LYSMD2: variants seen among roughly 807,000 people sequenced by gnomAD.
LYSMD2 encodes the protein LysM domain containing 2.
In LYSMD2, 6 loss-of-function variants were observed where a neutral mutation model predicts 17.7. The ratio of observed to expected loss-of-function variants is 0.34; its 90% CI spans 0.19 to 0.67. The LOEUF (loss-of-function observed/expected upper bound fraction) is 0.67, where lower values mean the gene tolerates loss of function less well. Ranked by LOEUF, LYSMD2 falls within the 30% of genes least tolerant of loss-of-function variation. The pLI is 0.69. For missense variants in LYSMD2, 237 were observed against 286.7 expected, an observed-to-expected ratio of 0.83 and a Z score of 1.25; for synonymous variants, 102 against 129.8, an observed-to-expected ratio of 0.79 and a Z score of 1.45.
Position 51,723,606 on chromosome 15 carries a change from CCTAA to C in LYSMD2, c.645_648del (p.Ser215ArgfsTer2). ...TGGTTAGAGTTATGCCCCCAAATCA[CCTAA>C]CTGTGATAGAGGGAAGTTGCATAGG... On this transcript the variant is annotated frameshift_variant and stop_lost, in exon 3 of 3. Transcript: ENST00000267838. LOFTEE classifies it high-confidence loss of function. The C allele has an allele frequency of 6.2e-7, 1 of 1,606,634 alleles. No individual in the cohort carries two copies. The highest frequency in any genetic ancestry group is 8.5e-7 in the Non-Finnish European group (1 of 1,174,816).
chr15:51,723,673 A>G (rs765370580), intron 2 of LYSMD2, 24 bp from the exon 3 acceptor site: 1 of 1,571,296 alleles, frequency 6.4e-7, no homozygotes, highest in Non-Finnish European at 8.7e-7. Flanking sequence ...AATACAGCAT[A>G]AATCAGAGTT....
At chr15:51,749,183 G>C (rs948973806) in intron 1 of LYSMD2, among the ~76,000 whole-genome samples, 5 of 152,198 alleles carry the variant, frequency 3.3e-5, no homozygotes, top group Admixed American at 6.5e-5. Context: ...ATAAGTCATA[G>C]GCATATTGAC....
intron 1 of LYSMD2, among the ~76,000 whole-genome samples, chr15:51,734,133 A>G (rs1481164726): frequency 6.6e-6 from 1 of 152,188 alleles, no homozygotes; most frequent in Non-Finnish European, 1.5e-5. Context: ...CAGTGAGCCA[A>G]GATCAGGCCA....
chr15:51,749,522 C>G (rs1215315068), intron 1 of LYSMD2, among the ~76,000 whole-genome samples: 1 of 152,194 alleles, frequency 6.6e-6, no homozygotes, highest in Non-Finnish European at 1.5e-5. Context: ...TGGCTAGTTT[C>G]TGAAGGAATA....
chr15:51,739,271 G>A (rs2055631683), upstream of LYSMD2, among the ~76,000 whole-genome samples: 1 of 152,090 alleles, frequency 6.6e-6, no homozygotes, highest in Non-Finnish European at 1.5e-5. Flanking sequence ...CAACAAATAC[G>A]TGCTCCTGGG....
intron 1 of LYSMD2, among the ~76,000 whole-genome samples, chr15:51,736,414 C>G (rs1567229270): frequency 6.6e-6 from 1 of 152,186 alleles, no homozygotes; most frequent in East Asian, 1.9e-4. Context: ...ATAGAAGGAC[C>G]TGATAGGTAA....
intron 1 of LYSMD2, among the ~76,000 whole-genome samples, chr15:51,750,917 A>G (rs2055696217): frequency 6.6e-6 from 1 of 152,196 alleles, no homozygotes; most frequent in Admixed American, 6.5e-5. Context: ...GACATATAGG[A>G]CTTTCCCGGC....
intron 1 of LYSMD2, among the ~76,000 whole-genome samples, chr15:51,743,257 A>G (rs2055651993): frequency 6.6e-6 from 1 of 152,204 alleles, no homozygotes; most frequent in African/African-American, 2.4e-5. Context: ...AGTACAAGCA[A>G]GCACCACTGC....
intron 1 of LYSMD2, 48 bp from the exon 2 acceptor site, chr15:51,725,169 G>T: frequency 8.4e-7 from 1 of 1,192,236 alleles, no homozygotes; most frequent in Non-Finnish European, 1.2e-6. Context: ...CCAAGTCAAG[G>T]AGTAAGATTT....
chr15:51,736,262 C>T (rs753047533), intron 1 of LYSMD2, among the ~76,000 whole-genome samples: 2 of 152,172 alleles, frequency 1.3e-5, no homozygotes, highest in African/African-American at 4.8e-5. Context: ...TGACTCAAAC[C>T]AGGCCCCATT....
Position 51,724,142 on chromosome 15 carries a change from C to A in LYSMD2, c.606-493G>T, listed in dbSNP as rs115166982. Among the ~76,000 whole-genome samples the A allele has an allele frequency of 4.4e-3, 666 of 151,576 alleles. 9 individuals carry two copies. The highest frequency in any genetic ancestry group is 0.016 in the African/African-American group (647 of 41,348). On this transcript the variant is annotated intron_variant, in intron 2 of 2. Transcript: ENST00000267838. ...TTTTAGTTGCAAGCTTCCCAATAGC[C>A]AGAGCAAAAAAGGAAACACAGTAGA...
Position 51,724,795 on chromosome 15 carries a change from CTCT to C in LYSMD2, c.597_599del (p.Glu200del), listed in dbSNP as rs1301801103. ...TTGTACCAGGGTATTCTTACCTGCT[CTCT>C]TCTTTTAGCTTCTTGGCTGCCTGTG... On this transcript the variant is annotated inframe_deletion, in exon 2 of 3. Coordinates refer to ENST00000267838, the MANE Select transcript of LYSMD2 (RefSeq NM_153374.3). 1.9e-6 allele frequency: 3 copies of C among 1,611,750 alleles called. No homozygotes were observed. The highest frequency in any genetic ancestry group is 2.7e-5 in the African/African-American group (2 of 74,840).
chr15:51,725,088 T>C lies in LYSMD2; in HGVS notation c.307A>G (p.Thr103Ala), dbSNP rs1287696556. The change falls in exon 2 of 3, where the codon ACC (threonine) becomes GCC (alanine). Residue 103 changes from threonine (T) to alanine (A), a missense_variant. Thr to Ala is a moderately conservative substitution (Grantham distance 58, BLOSUM62 0). Transcript: ENST00000267838. ...EQIKRANKLF[T>A]NDCIFLKKTL... is the part of the protein sequence containing the mutation. ...TTCTTCAGAAATATACAATCATTGG[T>C]AAACAGTTTATTGGCCCTTTTAATC... 9 of 1,610,214 alleles carry C rather than the reference T, an allele frequency of 5.6e-6. No individual in the cohort carries two copies. The highest frequency in any genetic ancestry group is 7.6e-6 in the Non-Finnish European group (9 of 1,177,118).
intron 1 of LYSMD2, among the ~76,000 whole-genome samples, chr15:51,748,284 A>T (rs977834006): frequency 7.5e-6 from 1 of 133,720 alleles, no homozygotes; most frequent in African/African-American, 2.8e-5. Flanking sequence ...AAAAAAAAAA[A>T]AAAAGATGAA....
chr15:51,750,405 C>T (rs2055692519), intron 1 of LYSMD2, among the ~76,000 whole-genome samples: 2 of 152,316 alleles, frequency 1.3e-5, no homozygotes, highest in African/African-American at 4.8e-5. Flanking sequence ...GCTGTTTCAC[C>T]TCTTTTCACA....
rs780008773 is a variant in LYSMD2, at chr15:51,725,007, A to C, written c.388T>G (p.Ser130Ala). 17 of 1,614,094 alleles carry C rather than the reference A, an allele frequency of 1.1e-5. No individual in the cohort carries two copies. In the Admixed American group the frequency reaches 2.7e-4, roughly 25 times the overall value. ...GTTTCATTTTCTGGAGAATCAATGG[A>C]GTTAAGTCCATTAAACAACAAAGGC... ...EKPLLFNGLN[S>A]IDSPENETAD... Residue 130 changes from serine to alanine, a missense_variant, in exon 2 of 3, where the codon TCC (serine) becomes GCC (alanine). Transcript: ENST00000267838.
chr15:51,737,826 C>T (rs1595852935), upstream of LYSMD2: 1 of 328,082 alleles, frequency 3.0e-6, no homozygotes, highest in Non-Finnish European at 5.5e-6. This position sits in a 1 kb window ranked among gnomAD's most constrained non-coding sequence, Gnocchi z 4.2. Flanking sequence ...CCCGGGCGCC[C>T]GCGGCACACG....
intron 1 of LYSMD2, among the ~76,000 whole-genome samples, chr15:51,730,858 T>C (rs1359395776): frequency 6.6e-6 from 1 of 152,216 alleles, no homozygotes; most frequent in East Asian, 1.9e-4. Context: ...CAATATTAAA[T>C]GATTCTCCCA....
rs962000242 is a variant in LYSMD2, at chr15:51,737,550, G to A, written c.73C>T (p.Pro25Ser). Residue 25 changes from proline to serine, a missense_variant, in exon 1 of 3, where the codon CCG (proline) becomes TCG (serine). Pro to Ser is a moderately conservative substitution (Grantham distance 74). Transcript: ENST00000267838. The surrounding 1 kb of genome is among the most constrained non-coding windows in gnomAD (Gnocchi z 4.2). Reference protein sequence around the residue: ...PRAPRPSAPSPPPRSRSGSES... With the variant: ...PRAPRPSAPSSPPRSRSGSES... Reference sequence around the variant, plus strand: ...GAGCCGGAGCGCGAGCGCGGCGGCGGCGAGGGGGCCGAGGGCCGCGGCGCG... The same window carrying A: ...GAGCCGGAGCGCGAGCGCGGCGGCGACGAGGGGGCCGAGGGCCGCGGCGCG... 72 of 1,230,316 alleles carry A rather than the reference G, an allele frequency of 5.9e-5. No individual in the cohort carries two copies. The African/African-American group carries it at 1.1e-3, about 19-fold the overall frequency. The allele number at this position is 1,230,316 out of a possible 1,614,324, so 76.2% of individuals were successfully genotyped here.
Sources: allele counts gnomAD v4.1 joint callset (sites outside exome capture counted in the v4.1 genomes callset), GRCh38; gene constraint gnomAD v4.1.1; non-coding constraint Gnocchi (gnomAD v3.1); transcripts MANE v1.5; gene names NCBI Gene and HGNC (gene_info 2026-07-23, HGNC 2026-07-21).